Variants in RSPO2 observed in about 807,000 individuals in gnomAD.
RSPO2 encodes R-spondin 2.
In RSPO2, 14 loss-of-function variants were observed where a neutral mutation model predicts 30.9. That is an observed-to-expected ratio of 0.45 (90% CI 0.30 to 0.71). The LOEUF is 0.71. Among genes scored for constraint, RSPO2 ranks in the 30% least tolerant of loss-of-function variants. RSPO2 has a pLI of 0.08. For synonymous variants in RSPO2, 107 were observed against 96.4 expected (o/e 1.11, Z -0.64); for missense variants, 264 against 301.9 (o/e 0.87, Z 0.93).
chr8:108,016,215 G>T (rs1456046348), intron 2 of RSPO2, among the ~76,000 whole-genome samples: 3 of 152,172 alleles, frequency 2.0e-5, no homozygotes, highest in Non-Finnish European at 4.4e-5. Flanking sequence ...TATATCCCAG[G>T]TATCCTTTCT....
intron 2 of RSPO2, among the ~76,000 whole-genome samples, chr8:108,006,435 A>G (rs1815453553): frequency 6.6e-6 from 1 of 152,140 alleles, no homozygotes; most frequent in Admixed American, 6.5e-5. Context: ...TATTAGATGA[A>G]AGGGATAGGA....
chr8:107,963,773 C>T (rs984461046), intron 3 of RSPO2, among the ~76,000 whole-genome samples: 6 of 151,906 alleles, frequency 3.9e-5, no homozygotes, highest in Non-Finnish European at 7.4e-5. Context: ...TAAGTTTACT[C>T]AAAAAAGTGC....
intron 2 of RSPO2, 39 bp downstream of exon 2, chr8:108,082,506 C>T (rs769934146): frequency 6.5e-7 from 1 of 1,546,746 alleles, no homozygotes; most frequent in Non-Finnish European, 8.9e-7. Context: ...CACGCCACCC[C>T]TGAAGCCCAC....
At chr8:107,942,066 A>T (rs931899801) in intron 5 of RSPO2, among the ~76,000 whole-genome samples, 2 of 152,262 alleles carry the variant, frequency 1.3e-5, no homozygotes, top group African/African-American at 4.8e-5. Flanking sequence ...AAGAGAATCA[A>T]CTGAAACCAG....
At chr8:107,970,516 G>A (rs576405245) in intron 3 of RSPO2, among the ~76,000 whole-genome samples, 143 of 152,256 alleles carry the variant, frequency 9.4e-4, no homozygotes, top group African/African-American at 3.3e-3. Flanking sequence ...TGAAGCTTGG[G>A]GAGGCATAGT....
chr8:107,941,273 T>G (rs943411005), intron 5 of RSPO2, among the ~76,000 whole-genome samples: 1 of 152,262 alleles, frequency 6.6e-6, no homozygotes, highest in South Asian at 2.1e-4. Context: ...CCTACATTCT[T>G]CATTTAGAAA....
intron 5 of RSPO2, among the ~76,000 whole-genome samples, chr8:107,957,867 T>C (rs918186437): frequency 2.0e-5 from 3 of 152,192 alleles, no homozygotes. Context: ...CTAAGTTATG[T>C]TTAAGATATT....
intron 5 of RSPO2, among the ~76,000 whole-genome samples, chr8:107,949,966 T>C (rs1813188996): frequency 6.6e-6 from 1 of 152,222 alleles, no homozygotes; most frequent in Admixed American, 6.5e-5. Flanking sequence ...GCCAAGCTGC[T>C]TTCTACCTTT....
rs76805878 is a variant in RSPO2, at chr8:108,051,714, T to C, written c.94+30831A>G. On this transcript the variant is annotated intron_variant, in intron 2 of 5. Coordinates refer to ENST00000276659, the MANE Select transcript of RSPO2 (RefSeq NM_178565.5). Reference sequence around the variant, plus strand: ...AGTATAAATCCAATACTCAGATCCATTCCTTCAACATGAGGCCCAGAAATA... The same window carrying C: ...AGTATAAATCCAATACTCAGATCCACTCCTTCAACATGAGGCCCAGAAATA... 7.3e-3 allele frequency among the ~76,000 whole-genome samples: 1,117 copies of C among 152,312 alleles called. 7 individuals are homozygous for C. Among genetic ancestry groups the C allele is most frequent in the Non-Finnish European group, 0.012 (814 of 68,030 alleles).
chr8:108,068,770 T>C (rs1391114341), intron 2 of RSPO2, among the ~76,000 whole-genome samples: 1 of 152,088 alleles, frequency 6.6e-6, no homozygotes, highest in Non-Finnish European at 1.5e-5. Flanking sequence ...CTGTTACAAG[T>C]CAAGGAACAC....
At chr8:108,036,975 G>T (rs746258364) in intron 2 of RSPO2, among the ~76,000 whole-genome samples, 1 of 152,134 alleles carries the variant, frequency 6.6e-6, no homozygotes, top group African/African-American at 2.4e-5. Flanking sequence ...ACTAACTGTT[G>T]CCATCTCTCT....
intron 2 of RSPO2, among the ~76,000 whole-genome samples, chr8:108,034,077 AG>A (rs2130641810): frequency 6.6e-6 from 1 of 152,310 alleles, no homozygotes; most frequent in Admixed American, 6.5e-5. Flanking sequence ...TTGTTTAAAA[AG>A]TGCATCGGAT....
chr8:108,021,837 A>C (rs1811068060), intron 2 of RSPO2, among the ~76,000 whole-genome samples: 1 of 152,072 alleles, frequency 6.6e-6, no homozygotes, highest in African/African-American at 2.4e-5. Context: ...TGGGGCTTAA[A>C]ACCTAGATGA....
At chr8:108,038,267 A>C (rs1373487721) in intron 2 of RSPO2, among the ~76,000 whole-genome samples, 1 of 152,200 alleles carries the variant, frequency 6.6e-6, no homozygotes. Flanking sequence ...AAATGGCAAG[A>C]GAACTAGATG....
At chr8:108,067,331 G>C (rs1812702649) in intron 2 of RSPO2, among the ~76,000 whole-genome samples, 1 of 152,158 alleles carries the variant, frequency 6.6e-6, no homozygotes, top group African/African-American at 2.4e-5. Flanking sequence ...TTGTCAGGTA[G>C]ATTAATGACA....
intron 2 of RSPO2, among the ~76,000 whole-genome samples, chr8:108,027,476 A>G (rs562487801): frequency 1.5e-4 from 23 of 152,352 alleles, no homozygotes; most frequent in Middle Eastern, 3.4e-3. Flanking sequence ...GATAATGAAA[A>G]CAATCCTTAA....
intron 2 of RSPO2, among the ~76,000 whole-genome samples, chr8:108,033,049 CAAAAAAAAAAAAA>C (rs35774922): frequency 5.4e-4 from 37 of 68,766 alleles, no homozygotes; most frequent in Middle Eastern, 7.4e-3. Context: ...GACTCTGTCT[CAAAAAAAAAAAAA>C]AAAAAAAAAA....
intron 2 of RSPO2, among the ~76,000 whole-genome samples, chr8:108,018,536 A>G (rs963388031): frequency 6.6e-6 from 1 of 152,226 alleles, no homozygotes; most frequent in African/African-American, 2.4e-5. Flanking sequence ...CTATTCCAGC[A>G]TTGGCTAAAA....
intron 2 of RSPO2, among the ~76,000 whole-genome samples, chr8:108,069,375 A>T (rs1262708652): frequency 6.6e-6 from 1 of 151,968 alleles, no homozygotes; most frequent in Non-Finnish European, 1.5e-5. Flanking sequence ...CACCCCACCC[A>T]GCTAATTTTT....
Sources: allele counts gnomAD v4.1 joint callset (sites outside exome capture counted in the v4.1 genomes callset), GRCh38; gene constraint gnomAD v4.1.1; transcripts MANE v1.5; gene names NCBI Gene and HGNC (gene_info 2026-07-23, HGNC 2026-07-21).